ATXN7L1: variants seen among roughly 807,000 people sequenced by gnomAD.
ATXN7L1 encodes ataxin-7-like protein 1.
In ATXN7L1, 15 loss-of-function variants were observed where a neutral mutation model predicts 70.8. The ratio of observed to expected loss-of-function variants is 0.21; its 90% confidence interval spans 0.14 to 0.33. The LOEUF (loss-of-function observed/expected upper bound fraction) is 0.33, where lower values mean the gene tolerates loss of function less well. Among genes scored for constraint, ATXN7L1 ranks in the 10% least tolerant of loss-of-function variants. ATXN7L1 has a pLI of 1.00. For synonymous variants in ATXN7L1, 440 were observed against 445.1 expected, an observed-to-expected ratio of 0.99 and a Z score of 0.14; for missense variants, 975 against 1,097.1, an observed-to-expected ratio of 0.89 and a Z score of 1.57.
intron 3 of ATXN7L1, 49 bp downstream of exon 3, chr7:105,788,555 C>T (rs758464021): frequency 9.6e-6 from 14 of 1,465,782 alleles, no homozygotes; most frequent in African/African-American, 1.4e-5. Context: ...GGCGACTGTC[C>T]CCAGGGCGGC....
intron 3 of ATXN7L1, chr7:105,679,202 C>G: frequency 1.1e-6 from 1 of 943,010 alleles, no homozygotes; most frequent in African/African-American, 1.8e-5. Context: ...CACGCCCAGA[C>G]GAGATTAGGG....
chr7:105,701,303 G>GA (rs1051421817), intron 3 of ATXN7L1, among the ~76,000 whole-genome samples: 1 of 151,958 alleles, frequency 6.6e-6, no homozygotes, highest in Non-Finnish European at 1.5e-5. Flanking sequence ...AATTTTAGAT[G>GA]AAAAAAAGCA....
chr7:105,738,385 C>G (rs1367314248), intron 3 of ATXN7L1, among the ~76,000 whole-genome samples: 2 of 152,194 alleles, frequency 1.3e-5, no homozygotes, highest in Non-Finnish European at 2.9e-5. Context: ...TTCTGAATAT[C>G]AAAATGTGAT....
chr7:105,660,187 C>T (rs1250887170), intron 4 of ATXN7L1, among the ~76,000 whole-genome samples: 1 of 152,162 alleles, frequency 6.6e-6, no homozygotes, highest in Non-Finnish European at 1.5e-5. Flanking sequence ...ACAACATCCT[C>T]ACCGTTCTTG....
chr7:105,628,756 G>C lies in ATXN7L1; in HGVS notation c.1203-4489C>G, dbSNP rs1342798293. 5.9e-5 allele frequency among the ~76,000 whole-genome samples: 9 copies of C among 151,748 alleles called. No individual in the cohort carries two copies. In the East Asian group the frequency reaches 1.5e-3, roughly 26 times the overall value. ...TGCAGTGAGCCGAGATCGCGCCACT[G>C]TACTCCAGCCGGGGCCACAGAGCGA... is the stretch of plus-strand genomic sequence containing the variant. On this transcript the variant is annotated intron_variant, in intron 7 of 11. Transcript: ENST00000419735.
At chr7:105,659,105 C>T (rs1801168546) in intron 4 of ATXN7L1, among the ~76,000 whole-genome samples, 1 of 152,158 alleles carries the variant, frequency 6.6e-6, no homozygotes, top group Admixed American at 6.5e-5. Flanking sequence ...CCACTGTACT[C>T]CAATCTGGGT....
intron 2 of ATXN7L1, among the ~76,000 whole-genome samples, chr7:105,797,005 G>T (rs188204008): frequency 5.9e-5 from 9 of 152,160 alleles, no homozygotes; most frequent in Admixed American, 2.0e-4. Context: ...GGGCTCCATT[G>T]TGAGAGATTC....
At chr7:105,750,179 T>A (rs1263848846) in intron 3 of ATXN7L1, among the ~76,000 whole-genome samples, 1 of 151,886 alleles carries the variant, frequency 6.6e-6, no homozygotes. Flanking sequence ...TAAGTCCCTG[T>A]TTGCAGCCCC....
chr7:105,801,922 TA>T (rs745437948), intron 2 of ATXN7L1, among the ~76,000 whole-genome samples: 16 of 152,194 alleles, frequency 1.1e-4, no homozygotes, highest in Non-Finnish European at 1.9e-4. Context: ...TCATTCATAA[TA>T]AAATTCTGTG....
rs1319401063 is a variant in ATXN7L1, at chr7:105,604,899, T to G, written c.*2953A>C. Among the ~76,000 whole-genome samples, 1 of 152,156 alleles carries G rather than the reference T, an allele frequency of 6.6e-6. No individual in the cohort carries two copies. Among genetic ancestry groups the G allele is most frequent in the African/African-American group, 2.4e-5 (1 of 41,428 alleles). On this transcript the variant is annotated 3_prime_UTR_variant, in exon 12 of 12. Transcript: ENST00000419735. Reference sequence around the variant, plus strand: ...TATAAGGTGTAAATAGAAAATTTCTTTTTTTCCTTTTTTAAAACAAGAGTT... The same window carrying G: ...TATAAGGTGTAAATAGAAAATTTCTGTTTTTCCTTTTTTAAAACAAGAGTT...
chr7:105,632,280 T>A (rs550353250), intron 7 of ATXN7L1, among the ~76,000 whole-genome samples: 6 of 152,318 alleles, frequency 3.9e-5, no homozygotes, highest in African/African-American at 1.4e-4. Context: ...GATATTAGGA[T>A]GTTATTACCT....
chr7:105,685,952 G>A (rs535969097), intron 3 of ATXN7L1, among the ~76,000 whole-genome samples: 1 of 152,268 alleles, frequency 6.6e-6, no homozygotes, highest in South Asian at 2.1e-4. Context: ...AGAATCTCAG[G>A]ATCAAGGATA....
intron 4 of ATXN7L1, among the ~76,000 whole-genome samples, chr7:105,662,250 G>A (rs1445281733): frequency 6.6e-6 from 1 of 151,782 alleles, no homozygotes; most frequent in African/African-American, 2.4e-5. Flanking sequence ...TTACAGGTGT[G>A]TGCCACCACG....
chr7:105,737,459 G>A (rs1797509967), intron 3 of ATXN7L1, among the ~76,000 whole-genome samples: 1 of 152,116 alleles, frequency 6.6e-6, no homozygotes, highest in Non-Finnish European at 1.5e-5. Context: ...GGTATGTAGA[G>A]AAGTTAAACA....
chr7:105,624,103 A>G lies in ATXN7L1; in HGVS notation c.1367T>C (p.Phe456Ser). The change falls in exon 8 of 12, where the codon TTC becomes TCC. Residue 456 changes from phenylalanine (F) to serine (S), a missense_variant. This residue lies in a region of ATXN7L1 where 635 missense variants were observed against 699.4 expected (regional missense o/e 0.91). Coordinates refer to ENST00000419735, the MANE Select transcript of ATXN7L1 (RefSeq NM_020725.2). ...CAGAGGTCTGGGGTGGTGCGTGGAG[A>G]ACTGACAGTCTAGCTTCTCGGATTC... ...ADESEKLDCQ[F>S]STHHPRPLAF... 7 of 1,502,068 alleles carry G rather than the reference A, an allele frequency of 4.7e-6. No homozygotes were observed. The South Asian group carries it at 9.0e-5, about 19-fold the overall frequency. 93.0% of individuals were successfully genotyped at this position (1,502,068 alleles called of 1,614,324 possible). A position where few individuals can be genotyped will look rare whatever the true frequency, so the allele number is the denominator to read the frequency against.
chr7:105,610,634 C>T (rs1385427155), intron 10 of ATXN7L1, 31 bp from the exon 11 acceptor site: 8 of 1,539,556 alleles, frequency 5.2e-6, no homozygotes, highest in Non-Finnish European at 7.0e-6. Flanking sequence ...CCCACTCAGA[C>T]ACACGAGCCA....
chr7:105,643,270 T>A, intron 4 of ATXN7L1, 149 bp from the exon 5 acceptor site: 1 of 982,468 alleles, frequency 1.0e-6, no homozygotes, highest in Admixed American at 3.0e-5. Flanking sequence ...CCAGTTTTGA[T>A]GGGAGAGAGT....
chr7:105,788,356 G>C, intron 3 of ATXN7L1: 1 of 484,278 alleles, frequency 2.1e-6, no homozygotes, highest in Non-Finnish European at 3.8e-6. Context: ...GATGGCTTCA[G>C]TCTAGTCCCA....
At chr7:105,646,006 CAAA>C (rs34098256) in intron 4 of ATXN7L1, among the ~76,000 whole-genome samples, 4 of 119,830 alleles carry the variant, frequency 3.3e-5, no homozygotes, top group Non-Finnish European at 7.3e-5. Context: ...GTCTCTGTCT[CAAA>C]AAAAAAAAAA....
Sources: gnomAD v4.1 joint callset for allele counts (sites outside exome capture counted in the v4.1 genomes callset) on GRCh38, gnomAD v4.1.1 for gene constraint, gnomAD v4.1.1 regional missense constraint, MANE v1.5 for transcripts, NCBI Gene and HGNC (gene_info 2026-07-23, HGNC 2026-07-21) for gene names.